The following ATP2B4 variants were observed in gnomAD, a reference collection of about 807,000 sequenced individuals.
The protein encoded by ATP2B4 is ATPase plasma membrane Ca2+ transporting 4.
A neutral mutation model predicts 110.3 loss-of-function variants in ATP2B4; 39 were observed. The observed-to-expected ratio is 0.35, with a 90% CI of 0.27 to 0.46. The LOEUF (loss-of-function observed/expected upper bound fraction) is 0.46. ATP2B4 is among the 20% of genes least tolerant of loss of function. The pLI, the probability that ATP2B4 is intolerant of heterozygous loss-of-function variation, is 1.00. For synonymous variants in ATP2B4, 538 were observed against 571.7 expected (o/e 0.94, Z 0.84); for missense variants, 1,135 against 1,530.9 (o/e 0.74, Z 4.32).
intron 1 of ATP2B4, among the ~76,000 whole-genome samples, chr1:203,644,016 G>A (rs750049712): frequency 2.6e-5 from 4 of 152,116 alleles, no homozygotes; most frequent in Non-Finnish European, 5.9e-5. Flanking sequence ...TTGGGAGGCC[G>A]AGGAGGGTGG....
In ATP2B4 at chr1:203,739,525, CT is replaced by C; in HGVS notation, c.3310-17del. 1 of 1,597,462 alleles carries C rather than the reference CT, an allele frequency of 6.3e-7. No homozygotes were observed. The highest frequency in any genetic ancestry group is 8.5e-7 in the Non-Finnish European group (1 of 1,169,804). Reference sequence around the variant, plus strand: ...CTCACCTCTCTATTTTCTCATCCTCCTTTTCCTTCCCCTGGTATAGATCAAA... The same window carrying C: ...CTCACCTCTCTATTTTCTCATCCTCCTTTCCTTCCCCTGGTATAGATCAAA... On this transcript the variant is annotated intron_variant, in intron 20 of 20. Transcript: ENST00000357681.
intron 20 of ATP2B4, chr1:203,733,152 CCCTT>C (rs1666781015): frequency 6.9e-7 from 1 of 1,447,796 alleles, no homozygotes; most frequent in East Asian, 2.3e-5. Context: ...CCATGACCCT[CCCTT>C]CCTCTTTCTT....
intron 15 of ATP2B4, among the ~76,000 whole-genome samples, chr1:203,719,566 C>A (rs1666260258): frequency 6.6e-6 from 1 of 151,692 alleles, no homozygotes; most frequent in African/African-American, 2.4e-5. Flanking sequence ...CAAAATTAGC[C>A]CGTCATGGTG....
intron 1 of ATP2B4, among the ~76,000 whole-genome samples, chr1:203,656,310 G>A (rs767345776): frequency 6.6e-6 from 1 of 151,974 alleles, no homozygotes; most frequent in East Asian, 1.9e-4. Context: ...GAAATATACT[G>A]TTTAGAACAC....
At chr1:203,666,172 C>A (rs1664496572) in intron 1 of ATP2B4, among the ~76,000 whole-genome samples, 1 of 152,230 alleles carries the variant, frequency 6.6e-6, no homozygotes, top group Non-Finnish European at 1.5e-5. Flanking sequence ...CCTTTCCAAG[C>A]TGGCACCAGC....
chr1:203,660,189 T>G (rs1664294276), intron 1 of ATP2B4, among the ~76,000 whole-genome samples: 1 of 152,176 alleles, frequency 6.6e-6, no homozygotes, highest in African/African-American at 2.4e-5. Context: ...TACTTTTCCC[T>G]TTACCATGTG....
At chr1:203,639,236 C>T (rs1225820533) in intron 1 of ATP2B4, among the ~76,000 whole-genome samples, 7 of 152,210 alleles carry the variant, frequency 4.6e-5, no homozygotes, top group Non-Finnish European at 1.5e-5. Flanking sequence ...CATAATGTGA[C>T]AGCACAGGCT....
chr1:203,727,314 AGGGCCT>A, intron 19 of ATP2B4, 75 bp from the exon 20 acceptor site: 1 of 1,529,908 alleles, frequency 6.5e-7, no homozygotes, highest in Non-Finnish European at 8.9e-7. Flanking sequence ...AACCTGCCCA[AGGGCCT>A]GGCTCATGTA....
chr1:203,652,410 T>C lies in ATP2B4; in HGVS notation c.-465+25191T>C, dbSNP rs181356607. Among the ~76,000 whole-genome samples, 13 of 152,228 alleles carry C rather than the reference T, an allele frequency of 8.5e-5. No homozygotes were observed. The East Asian group carries it at 2.3e-3, about 27-fold the overall frequency. On this transcript the variant is annotated intron_variant, in intron 1 of 20. Coordinates refer to ENST00000357681, the MANE Select transcript of ATP2B4 (RefSeq NM_001684.5). ...ATCCTCCCACCTCGGCCTCCCAAAG[T>C]GCTGGGATTACAGGCGTGAGCCACT... is the stretch of plus-strand genomic sequence containing the variant.
chr1:203,687,989 A>G (rs12122293), intron 2 of ATP2B4, among the ~76,000 whole-genome samples: 124,349 of 148,910 alleles, frequency 0.84, 52,590 homozygotes, highest in East Asian at 1. Flanking sequence ...AGGGAGAGAG[A>G]AAGAGATTAT....
At chr1:203,655,113 G>A (rs1664118492) in intron 1 of ATP2B4, among the ~76,000 whole-genome samples, 1 of 152,124 alleles carries the variant, frequency 6.6e-6, no homozygotes, top group African/African-American at 2.4e-5. Flanking sequence ...GCCATCTCAT[G>A]ATAAAACTTG....
chr1:203,720,497 G>A (rs1666288654), intron 15 of ATP2B4, 52 bp from the exon 16 acceptor site: 1 of 1,528,156 alleles, frequency 6.5e-7, no homozygotes, highest in Admixed American at 2.0e-5. Context: ...TCAGGAAATG[G>A]AGCCTGGGCT....
chr1:203,723,783 T>C, intron 18 of ATP2B4, 98 bp from the exon 19 acceptor site: 4 of 916,532 alleles, frequency 4.4e-6, no homozygotes, highest in Non-Finnish European at 6.7e-6. Context: ...CCAAGGATCC[T>C]GAGGAGTGGG....
At chr1:203,666,765 G>T (rs1407690841) in intron 1 of ATP2B4, among the ~76,000 whole-genome samples, 1 of 151,916 alleles carries the variant, frequency 6.6e-6, no homozygotes, top group Admixed American at 6.6e-5. Flanking sequence ...CTCTTATCTT[G>T]GCTCTTGAAA....
At chr1:203,639,872 A>G (rs1663574845) in intron 1 of ATP2B4, among the ~76,000 whole-genome samples, 1 of 152,206 alleles carries the variant, frequency 6.6e-6, no homozygotes, top group Non-Finnish European at 1.5e-5. Context: ...ATACCTCTCC[A>G]GAGAAGCCCT....
At position 203,712,267 on chromosome 1, in the gene ATP2B4, TCTC is replaced by T; in HGVS notation, c.2211+131_2211+133del. The T allele has an allele frequency of 1.1e-5, 12 of 1,127,866 alleles. No individual in the cohort carries two copies. The South Asian group carries it at 1.1e-4, about 10-fold the overall frequency. The allele number at this position is 1,127,866 out of a possible 1,614,324, so 69.9% of individuals were successfully genotyped here. ...AGTGAAAGCTATTCGTAGTGAAACA[TCTC>T]CTTGTACCAAACTGCTGATATGGTA... On this transcript the variant is annotated intron_variant, in intron 13 of 20. Coordinates refer to ENST00000357681, the MANE Select transcript of ATP2B4 (RefSeq NM_001684.5).
intron 20 of ATP2B4, chr1:203,733,521 T>C: frequency 9.1e-7 from 1 of 1,094,554 alleles, no homozygotes; most frequent in Non-Finnish European, 1.3e-6. Context: ...ATATTTTGAC[T>C]TAAGGGAAGA....
chr1:203,711,890 G>C (rs1283237564), intron 12 of ATP2B4, 70 bp from the exon 13 acceptor site: 35 of 1,543,134 alleles, frequency 2.3e-5, no homozygotes, highest in Non-Finnish European at 3.0e-5. Context: ...CAAAGGGACA[G>C]ACAAACAGGG....
At chr1:203,643,639 T>G (rs1207578839) in intron 1 of ATP2B4, among the ~76,000 whole-genome samples, 2 of 152,226 alleles carry the variant, frequency 1.3e-5, no homozygotes, top group African/African-American at 4.8e-5. Context: ...ATCACTTAAG[T>G]GCTCCAGGCT....
Sources: gnomAD v4.1 joint callset for allele counts (sites outside exome capture counted in the v4.1 genomes callset) on GRCh38, gnomAD v4.1.1 for gene constraint, MANE v1.5 for transcripts, NCBI Gene and HGNC (gene_info 2026-07-23, HGNC 2026-07-21) for gene names.